The following TBC1D12 variants were observed in gnomAD, a reference collection of about 807,000 sequenced individuals.
The protein encoded by TBC1D12 is TBC1 domain family, member 12.
TBC1D12 carries 56 observed loss-of-function variants against 86.7 expected under a neutral mutation model. That is an observed-to-expected ratio of 0.65 (90% CI 0.52 to 0.81). The LOEUF (loss-of-function observed/expected upper bound fraction) is 0.81. Ranked by LOEUF, TBC1D12 falls within the 30% of genes least tolerant of loss-of-function variation. TBC1D12 has a pLI of 0.00. For synonymous variants in TBC1D12, 421 were observed against 411.7 expected, an observed-to-expected ratio of 1.02 and a Z score of -0.27; for missense variants, 1,023 against 1,038.8, an observed-to-expected ratio of 0.98 and a Z score of 0.21.
At chr10:94,489,209 G>T (rs1402761442) in intron 3 of TBC1D12, among the ~76,000 whole-genome samples, 3 of 152,162 alleles carry the variant, frequency 2.0e-5, no homozygotes, top group African/African-American at 7.2e-5. Context: ...TTCCCCTCTG[G>T]CTAGTGCTGT....
At chr10:94,490,371 A>G (rs1465502040) in intron 3 of TBC1D12, among the ~76,000 whole-genome samples, 1 of 152,228 alleles carries the variant, frequency 6.6e-6, no homozygotes, top group African/African-American at 2.4e-5. Context: ...TAGGGTTGCT[A>G]CAAACCTTCA....
At chr10:94,407,054 T>TAA (rs35370498) in intron 1 of TBC1D12, among the ~76,000 whole-genome samples, 3,144 of 148,962 alleles carry the variant, frequency 0.021, 107 homozygotes, top group African/African-American at 0.071. Context: ...CGAGAAACCT[T>TAA]AAAAAAAAAA....
intron 3 of TBC1D12, among the ~76,000 whole-genome samples, chr10:94,485,851 T>C (rs926048792): frequency 2.0e-5 from 3 of 152,106 alleles, no homozygotes; most frequent in Non-Finnish European, 4.4e-5. Flanking sequence ...GTAGGTTGTA[T>C]GTGTCTAGGA....
chr10:94,426,965 A>C (rs889548544), intron 1 of TBC1D12, among the ~76,000 whole-genome samples: 5 of 152,218 alleles, frequency 3.3e-5, no homozygotes, highest in African/African-American at 7.2e-5. Context: ...ACAATTTGAT[A>C]GTTTTCAGCA....
At chr10:94,437,316 A>C (rs2055314972) in intron 1 of TBC1D12, among the ~76,000 whole-genome samples, 2 of 151,548 alleles carry the variant, frequency 1.3e-5, no homozygotes, top group African/African-American at 4.9e-5. Context: ...AGATTTGGGA[A>C]GTTTTTGGTT....
intron 2 of TBC1D12, among the ~76,000 whole-genome samples, chr10:94,448,498 A>G (rs1307954530): frequency 6.6e-6 from 1 of 152,162 alleles, no homozygotes; most frequent in African/African-American, 2.4e-5. Flanking sequence ...TGTTTTTGAG[A>G]CAGGATCTCA....
intron 1 of TBC1D12, among the ~76,000 whole-genome samples, chr10:94,425,870 G>GCATA (rs1161653309): frequency 6.6e-6 from 1 of 151,938 alleles, no homozygotes; most frequent in African/African-American, 2.4e-5. Flanking sequence ...GACATTTTCA[G>GCATA]CATACACATC....
At chr10:94,522,231 C>G in intron 10 of TBC1D12, 113 bp from the exon 11 acceptor site, 1 of 1,192,128 alleles carries the variant, frequency 8.4e-7, no homozygotes, top group Non-Finnish European at 1.1e-6. Flanking sequence ...TGAGAAGACT[C>G]AGAAAAAGAT....
intron 1 of TBC1D12, among the ~76,000 whole-genome samples, chr10:94,435,151 T>C (rs944723401): frequency 1.3e-5 from 2 of 152,228 alleles, no homozygotes; most frequent in African/African-American, 4.8e-5. Context: ...TTTTGAACAG[T>C]GTTGTCCTGA....
intron 12 of TBC1D12, among the ~76,000 whole-genome samples, chr10:94,531,862 A>ATTTTATATGTTATGTTATGTTATGT (rs760350753): frequency 1.2e-5 from 1 of 83,284 alleles, no homozygotes; most frequent in Non-Finnish European, 2.5e-5. Context: ...ATTTTATTTT[A>ATTTTATATGTTATGTTATGTTATGT]TATGTTATGT....
intron 2 of TBC1D12, among the ~76,000 whole-genome samples, chr10:94,448,025 A>C (rs57497332): frequency 0.012 from 1,815 of 152,000 alleles, 54 homozygotes; most frequent in African/African-American, 0.042. Flanking sequence ...GTTTTTCATC[A>C]ATACACATGC....
chr10:94,477,886 CAGAGA>C (rs2056016127), intron 3 of TBC1D12, among the ~76,000 whole-genome samples: 1 of 152,128 alleles, frequency 6.6e-6, no homozygotes, highest in Non-Finnish European at 1.5e-5. Context: ...TGAGGTTGTG[CAGAGA>C]AGAGGTCTAT....
Position 94,402,683 on chromosome 10 carries a change from G to C in TBC1D12, c.70G>C (p.Asp24His), listed in dbSNP as rs987523844. 1.2e-6 allele frequency: 2 copies of C among 1,605,078 alleles called. No individual in the cohort carries two copies. Among genetic ancestry groups the C allele is most frequent in the Non-Finnish European group, 8.5e-7 (1 of 1,176,470 alleles). Residue 24 changes from aspartate to histidine, a missense_variant, in exon 1 of 13, where the codon GAC (aspartate) becomes CAC (histidine). Physicochemically the swap from Asp to His is moderately conservative, Grantham distance 81 (BLOSUM62 -1). This residue lies in a region of TBC1D12 where 628 missense variants were observed against 531.1 expected (regional missense o/e 1.18). Coordinates refer to ENST00000225235, the MANE Select transcript of TBC1D12 (RefSeq NM_015188.2). ...NPKLLPVPAP[D>H]PVGQDRKVIR... Reference sequence around the variant, plus strand: ...CAAGTTGCTCCCGGTGCCTGCGCCGGACCCCGTGGGCCAGGACAGGAAGGT... The same window carrying C: ...CAAGTTGCTCCCGGTGCCTGCGCCGCACCCCGTGGGCCAGGACAGGAAGGT...
chr10:94,528,313 A>G (rs1440628668), intron 11 of TBC1D12, among the ~76,000 whole-genome samples: 1 of 151,880 alleles, frequency 6.6e-6, no homozygotes, highest in Non-Finnish European at 1.5e-5. Flanking sequence ...TCCTAAGTTT[A>G]CTCCTTATTA....
intron 1 of TBC1D12, among the ~76,000 whole-genome samples, chr10:94,407,675 C>CG (rs113073560): frequency 0.031 from 4,330 of 138,464 alleles, 97 homozygotes; most frequent in South Asian, 0.048. Context: ...GATTCCGTCT[C>CG]AAAAAAAAAA....
At chr10:94,471,189 T>A (rs963178605) in intron 2 of TBC1D12, among the ~76,000 whole-genome samples, 3 of 150,726 alleles carry the variant, frequency 2.0e-5, no homozygotes, top group Non-Finnish European at 4.4e-5. Context: ...GGCAGGAGAA[T>A]GGCTTGAACC....
At chr10:94,403,646 T>G (rs918286823) in intron 1 of TBC1D12, 62 bp downstream of exon 1, 121 of 1,368,926 alleles carry the variant, frequency 8.8e-5, no homozygotes, top group Non-Finnish European at 1.1e-4. Context: ...GCCGGGGTCT[T>G]GGTGGGAGTC....
chr10:94,519,520 T>G (rs1431200949), intron 9 of TBC1D12, among the ~76,000 whole-genome samples: 1 of 152,178 alleles, frequency 6.6e-6, no homozygotes, highest in Non-Finnish European at 1.5e-5. Flanking sequence ...AGGAAAACTC[T>G]GTCTCTACAA....
chr10:94,476,471 A>G (rs1018799224), intron 3 of TBC1D12, among the ~76,000 whole-genome samples: 8 of 152,174 alleles, frequency 5.3e-5, no homozygotes, highest in African/African-American at 1.9e-4. Context: ...GCTGCCAGGG[A>G]TGAAAATGAA....
Sources: gnomAD v4.1 joint callset for allele counts (sites outside exome capture counted in the v4.1 genomes callset) on GRCh38, gnomAD v4.1.1 for gene constraint, gnomAD v4.1.1 regional missense constraint, MANE v1.5 for transcripts, NCBI Gene and HGNC (gene_info 2026-07-23, HGNC 2026-07-21) for gene names.